The following MTDH variants were observed in gnomAD, a reference collection of about 807,000 sequenced individuals.
MTDH encodes protein LYRIC.
A neutral mutation model predicts 72.7 loss-of-function variants in MTDH; 34 were observed. The ratio of observed to expected loss-of-function variants is 0.47; its 90% confidence interval spans 0.36 to 0.62. The LOEUF (loss-of-function observed/expected upper bound fraction) is 0.62. MTDH is among the 20% of genes least tolerant of loss of function. The pLI is 0.00. For synonymous variants in MTDH, 266 were observed against 268.9 expected, an observed-to-expected ratio of 0.99 and a Z score of 0.10; for missense variants, 677 against 699.4, an observed-to-expected ratio of 0.97 and a Z score of 0.36.
At chr8:97,662,783 C>CAA (rs575550309) in intron 2 of MTDH, among the ~76,000 whole-genome samples, 5 of 134,620 alleles carry the variant, frequency 3.7e-5, no homozygotes, top group Non-Finnish European at 4.8e-5. Flanking sequence ...GAGACTCTGT[C>CAA]AAAAAAAAAA....
At chr8:97,677,781 A>G (rs934285215) in intron 2 of MTDH, among the ~76,000 whole-genome samples, 1 of 152,214 alleles carries the variant, frequency 6.6e-6, no homozygotes, top group Non-Finnish European at 1.5e-5. Flanking sequence ...TTCAGAATGT[A>G]AAAACTGGCA....
rs1428064348 is a variant in MTDH at position 97,724,964 on chromosome 8, A to G, written c.*294A>G. ...GGTTTAACAACAGTGCCCTGTTTAC[A>G]ACAGATTGTGCCCTATCTCATCTGC... On this transcript the variant is annotated 3_prime_UTR_variant, in exon 12 of 12. Transcript: ENST00000336273. The G allele has an allele frequency of 4.8e-6, 1 of 208,334 alleles. No homozygotes were observed. Among genetic ancestry groups the G allele is most frequent in the Non-Finnish European group, 9.7e-6 (1 of 103,594 alleles). The allele number at this position is 208,334 out of a possible 1,614,324, so 12.9% of individuals were successfully genotyped here.
At chr8:97,652,192 C>A (rs1254644641) in intron 1 of MTDH, among the ~76,000 whole-genome samples, 1 of 152,188 alleles carries the variant, frequency 6.6e-6, no homozygotes, top group African/African-American at 2.4e-5. Context: ...GTAGCTTTTG[C>A]ATTTAAAATC....
Position 97,719,098 on chromosome 8 carries a change from C to A in MTDH, c.1430C>A (p.Thr477Asn). 6.2e-7 allele frequency: 1 copy of A among 1,613,518 alleles called. No homozygotes were observed. The highest frequency in any genetic ancestry group is 8.5e-7 in the Non-Finnish European group (1 of 1,179,542). ...ATTAGAGAAGACCTTCCAGTGAATACCTCTAAAACCCGTCCAAAACAGGAA... is the reference window on the plus strand; with the variant it reads ...ATTAGAGAAGACCTTCCAGTGAATAACTCTAAAACCCGTCCAAAACAGGAA... ...KEIREDLPVN[T>N]SKTRPKQEKA... The change falls in exon 10 of 12, where the codon ACC becomes AAC. Residue 477 changes from threonine to asparagine, a missense_variant. Thr to Asn is a moderately conservative substitution (Grantham distance 65). This residue lies in a region of MTDH where 201 missense variants were observed against 204.5 expected (regional missense o/e 0.98). Transcript: ENST00000336273.
chr8:97,644,206 G>T lies in MTDH; in HGVS notation c.-301G>T, dbSNP rs543829251. The stretch of plus-strand genomic sequence containing the variant: ...CCCAAGCCGCCATTGTTCCGCCGAG[G>T]GAGGACAGCGGGGCCTGGCGCTGGC... On this transcript the variant is annotated 5_prime_UTR_variant, in exon 1 of 12. Coordinates refer to ENST00000336273, the MANE Select transcript of MTDH (RefSeq NM_178812.4). 1.2e-5 allele frequency: 5 copies of T among 422,066 alleles called. No individual in the cohort carries two copies. Among genetic ancestry groups the T allele is most frequent in the African/African-American group, 1.1e-4 (5 of 47,530 alleles). 26.1% of individuals were successfully genotyped at this position (422,066 alleles called of 1,614,324 possible).
intron 2 of MTDH, among the ~76,000 whole-genome samples, chr8:97,674,839 C>T (rs1471865010): frequency 1.3e-5 from 2 of 151,610 alleles, no homozygotes; most frequent in African/African-American, 2.4e-5. Context: ...GAGACAGAGT[C>T]TTGCTCTGTC....
intron 2 of MTDH, among the ~76,000 whole-genome samples, chr8:97,672,099 T>C (rs955399454): frequency 3.9e-5 from 6 of 152,250 alleles, no homozygotes; most frequent in African/African-American, 1.2e-4. Flanking sequence ...TTAGAAACTA[T>C]AGTTTAAAAC....
chr8:97,668,191 G>A (rs532072065), intron 2 of MTDH, among the ~76,000 whole-genome samples: 3 of 152,216 alleles, frequency 2.0e-5, no homozygotes, highest in Admixed American at 2.0e-4. Flanking sequence ...GGAGGCTGAG[G>A]CAGGAGAATG....
rs35895126 is a variant in MTDH at position 97,678,594 on chromosome 8, C to CTTTTTTTTTTTTTTTTTTTT, written c.484-8069_484-8050dup. Among the ~76,000 whole-genome samples, 7 of 85,324 alleles carry CTTTTTTTTTTTTTTTTTTTT rather than the reference C, an allele frequency of 8.2e-5. No homozygotes were observed. In the East Asian group the frequency reaches 2.1e-3, roughly 25 times the overall value. The allele number at this position is 85,324 out of a possible 152,430, so 56.0% of individuals were successfully genotyped here. A position where few individuals can be genotyped will look rare whatever the true frequency, so the allele number is the denominator to read the frequency against. Reference sequence around the variant, plus strand: ...GTTTCCTTTGCTTCCTTCCTTCCTTCTTTTTTTTTTTTTTTTTTTTTTTTG... The same window carrying CTTTTTTTTTTTTTTTTTTTT: ...GTTTCCTTTGCTTCCTTCCTTCCTTCTTTTTTTTTTTTTTTTTTTTTTTTTTTTTTTTTTTTTTTTTTTTG... On this transcript the variant is annotated intron_variant, in intron 2 of 11. Transcript: ENST00000336273.
At chr8:97,682,267 T>A (rs1813155794) in intron 2 of MTDH, among the ~76,000 whole-genome samples, 2 of 8,266 alleles carry the variant, frequency 2.4e-4, no homozygotes, top group Non-Finnish European at 4.6e-4. Context: ...TATATATATA[T>A]ATATATATAT....
intron 3 of MTDH, 60 bp downstream of exon 3, chr8:97,686,812 T>C (rs1213823025): frequency 8.4e-7 from 1 of 1,187,574 alleles, no homozygotes; most frequent in African/African-American, 1.6e-5. Flanking sequence ...TCAAAGTGTA[T>C]TATATAAAAG....
At chr8:97,703,674 T>C (rs1814229439) in intron 7 of MTDH, among the ~76,000 whole-genome samples, 2 of 152,218 alleles carry the variant, frequency 1.3e-5, no homozygotes, top group African/African-American at 4.8e-5. Flanking sequence ...CTAGACTGAA[T>C]TGAAGTATAT....
Position 97,687,426 on chromosome 8 carries a change from C to G in MTDH, c.569-3C>G. 1 of 1,586,284 alleles carries G rather than the reference C, an allele frequency of 6.3e-7. No individual in the cohort carries two copies. Among genetic ancestry groups the G allele is most frequent in the Non-Finnish European group, 8.6e-7 (1 of 1,166,952 alleles). On this transcript the variant is annotated splice_region_variant and splice_polypyrimidine_tract_variant and intron_variant, in intron 3 of 11. Coordinates refer to ENST00000336273, the MANE Select transcript of MTDH (RefSeq NM_178812.4). ...TAACATTTTTTTTCTGGGGCTATGT[C>G]AGGAGCCTGGGAAACTAAAATTAGT...
chr8:97,670,205 A>G (rs991654887), intron 2 of MTDH, among the ~76,000 whole-genome samples: 4 of 152,176 alleles, frequency 2.6e-5, no homozygotes, highest in Admixed American at 1.3e-4. Flanking sequence ...AGTCCCAGCT[A>G]TTTGGGAGGC....
intron 1 of MTDH, among the ~76,000 whole-genome samples, chr8:97,656,597 G>A (rs1236209088): frequency 2.6e-5 from 4 of 151,360 alleles, no homozygotes; most frequent in South Asian, 2.1e-4. Context: ...CACCGTGCCC[G>A]GCCTATTAAG....
In MTDH at chr8:97,691,097, A is replaced by G. The variant is rs1317819239; in HGVS notation, c.957A>G (p.Pro319=). The change falls in exon 6 of 12, where the codon CCA becomes CCG. Residue 319 remains proline (P), a synonymous_variant. Transcript: ENST00000336273. ...CTGCAGGAAAGAGGAAAACTGAGCC[A>G]TCTGCCTGGAGTCAAGACACTGGAG... ...PASAGKRKTE[P]SAWSQDTGDA... is the part of the protein sequence containing the mutation. 1.2e-6 allele frequency: 2 copies of G among 1,614,196 alleles called. No individual in the cohort carries two copies. The highest frequency in any genetic ancestry group is 8.5e-7 in the Non-Finnish European group (1 of 1,180,026).
intron 4 of MTDH, among the ~76,000 whole-genome samples, chr8:97,688,038 A>G (rs1403639794): frequency 6.6e-6 from 1 of 152,180 alleles, no homozygotes; most frequent in African/African-American, 2.4e-5. Flanking sequence ...TGGATTTCTT[A>G]TCACCCCACC....
rs926177196 is a variant in MTDH at position 97,730,085 on chromosome 8, G to C, written c.*5415G>C. ...TAATAGTTACAGTACTGAAGCTTGT[G>C]AATACGTTAATTGAGAAAACTTTAA... On this transcript the variant is annotated 3_prime_UTR_variant, in exon 12 of 12. Coordinates refer to ENST00000336273, the MANE Select transcript of MTDH (RefSeq NM_178812.4). Among the ~76,000 whole-genome samples, 3 of 152,148 alleles carry C rather than the reference G, an allele frequency of 2.0e-5. No individual in the cohort carries two copies. The highest frequency in any genetic ancestry group is 4.1e-4 in the South Asian group (2 of 4,830).
At chr8:97,682,246 A>T (rs541290467) in intron 2 of MTDH, among the ~76,000 whole-genome samples, 3 of 3,422 alleles carry the variant, frequency 8.8e-4, no homozygotes, top group East Asian at 0.019. Flanking sequence ...ATATATATAT[A>T]TATATATATA....
Sources: allele counts gnomAD v4.1 joint callset (sites outside exome capture counted in the v4.1 genomes callset), GRCh38; gene constraint gnomAD v4.1.1; regional missense constraint gnomAD v4.1.1; transcripts MANE v1.5; gene names NCBI Gene and HGNC (gene_info 2026-07-23, HGNC 2026-07-21).